The following STEAP1B variants were observed in gnomAD, a reference collection of about 807,000 sequenced individuals.
STEAP1B encodes STEAP family protein MGC87042.
STEAP1B carries 13 observed loss-of-function variants against 27.9 expected under a neutral mutation model. The ratio of observed to expected loss-of-function variants is 0.47; its 90% CI spans 0.30 to 0.74. The LOEUF (loss-of-function observed/expected upper bound fraction) is 0.74, where lower values mean the gene tolerates loss of function less well. Among genes scored for constraint, STEAP1B ranks in the 30% least tolerant of loss-of-function variants. STEAP1B has a pLI of 0.06. For synonymous variants in STEAP1B, 86 were observed against 107.1 expected (o/e 0.80, Z 1.22); for missense variants, 250 against 298.7 (o/e 0.84, Z 1.20).
chr7:22,430,958 G>T (rs1259447092), intron 4 of STEAP1B, among the ~76,000 whole-genome samples: 1 of 152,220 alleles, frequency 6.6e-6, no homozygotes, highest in African/African-American at 2.4e-5. Flanking sequence ...TAGTCTCCCT[G>T]TCACTGACAT....
Position 22,493,680 on chromosome 7 carries a change from T to C in STEAP1B, c.241A>G (p.Met81Val). 6.2e-7 allele frequency: 1 copy of C among 1,614,020 alleles called. No individual in the cohort carries two copies. Among genetic ancestry groups the C allele is most frequent in the Non-Finnish European group, 8.5e-7 (1 of 1,179,882 alleles). The change falls in exon 3 of 5, where the codon ATG (methionine) becomes GTG (valine). Residue 81 changes from methionine to valine, a missense_variant. Transcript: ENST00000678116. ...GTGTAAAGAAAAGTCAGAGATGCCA[T>C]AACAGCAGCTATTTTAATTGGCAAG... ...WHLPIKIAAV[M>V]ASLTFLYTLL...
At chr7:22,467,712 C>A (rs879806440) in intron 4 of STEAP1B, among the ~76,000 whole-genome samples, 1 of 152,138 alleles carries the variant, frequency 6.6e-6, no homozygotes, top group African/African-American at 2.4e-5. Flanking sequence ...TTTTACCTTC[C>A]GCCATGATTG....
chr7:22,454,139 G>C (rs1785533076), intron 4 of STEAP1B, among the ~76,000 whole-genome samples: 2 of 152,180 alleles, frequency 1.3e-5, no homozygotes, highest in Admixed American at 1.3e-4. Flanking sequence ...AATAACAAGG[G>C]ATTGGCTAGT....
At chr7:22,453,850 T>C (rs1562572468) in intron 4 of STEAP1B, among the ~76,000 whole-genome samples, 1 of 152,242 alleles carries the variant, frequency 6.6e-6, no homozygotes, top group Non-Finnish European at 1.5e-5. Flanking sequence ...CACCTAATAC[T>C]GTCTATGAGA....
chr7:22,499,802 C>G (rs10257886), intron 1 of STEAP1B, among the ~76,000 whole-genome samples: 13,604 of 152,250 alleles, frequency 0.089, 689 homozygotes, highest in African/African-American at 0.11. Context: ...CCATCAAAAT[C>G]CAACCTGAGC....
In STEAP1B at chr7:22,456,972, A is replaced by ATATATATATATATATTTTT; in HGVS notation, c.762+35592_762+35593insAAAAATATATATATATATA. Among the ~76,000 whole-genome samples, 63 of 57,050 alleles carry ATATATATATATATATTTTT rather than the reference A, an allele frequency of 1.1e-3. 1 individual carries two copies. The highest frequency in any genetic ancestry group is 4.2e-3 in the African/African-American group (60 of 14,250). The allele number at this position is 57,050 out of a possible 152,430, so 37.4% of individuals were successfully genotyped here. A position where few individuals can be genotyped will look rare whatever the true frequency, so the allele number is the denominator to read the frequency against. ...GGCAGCTATATATATATATATATAT[A>ATATATATATATATATTTTT]TTTTTTTTTTTTTTAAGTATCCTGG... On this transcript the variant is annotated intron_variant, in intron 4 of 4. Transcript: ENST00000678116.
intron 4 of STEAP1B, among the ~76,000 whole-genome samples, chr7:22,439,034 T>C (rs964020607): frequency 6.6e-6 from 1 of 152,188 alleles, no homozygotes; most frequent in African/African-American, 2.4e-5. Flanking sequence ...TTGTAAATGA[T>C]AGTAAATGTT....
intron 4 of STEAP1B, among the ~76,000 whole-genome samples, chr7:22,437,774 C>CT (rs1279146210): frequency 1.3e-5 from 2 of 152,094 alleles, no homozygotes; most frequent in African/African-American, 2.4e-5. Flanking sequence ...TTCTTATTTG[C>CT]TTTTTTGGTA....
chr7:22,451,050 A>G (rs1785480071), intron 4 of STEAP1B, among the ~76,000 whole-genome samples: 1 of 152,148 alleles, frequency 6.6e-6, no homozygotes, highest in Admixed American at 6.5e-5. Flanking sequence ...CAAAAAAATT[A>G]GCCAGGTGTG....
chr7:22,451,333 T>C (rs1785486041), intron 4 of STEAP1B, among the ~76,000 whole-genome samples: 1 of 152,158 alleles, frequency 6.6e-6, no homozygotes, highest in South Asian at 2.1e-4. Flanking sequence ...TTTTTCCAAA[T>C]AAAAGATCAC....
At chr7:22,499,579 T>C (rs1174596095) in intron 1 of STEAP1B, among the ~76,000 whole-genome samples, 1 of 152,178 alleles carries the variant, frequency 6.6e-6, no homozygotes, top group Non-Finnish European at 1.5e-5. Flanking sequence ...TTGACCAGAA[T>C]TACATATTTA....
At chr7:22,477,039 C>T (rs1256251283) in intron 4 of STEAP1B, among the ~76,000 whole-genome samples, 4 of 152,328 alleles carry the variant, frequency 2.6e-5, no homozygotes, top group Non-Finnish European at 5.9e-5. Context: ...GGAGAGACTG[C>T]AGCTTTCTGC....
At chr7:22,440,248 T>C (rs995815582) in intron 4 of STEAP1B, among the ~76,000 whole-genome samples, 2 of 152,182 alleles carry the variant, frequency 1.3e-5, no homozygotes, top group Non-Finnish European at 2.9e-5. Context: ...CCTTGACTTG[T>C]GGGAAGGATC....
Position 22,493,545 on chromosome 7 carries a change from A to G in STEAP1B, c.376T>C (p.Leu126=). ...ACACCTGGTAGGTAAACCAATGCCA[A>G]GAGAGTGATGGAAACCATTGGCAAG... ...KVLPMVSITL[L]ALVYLPGVIA... is the part of the protein sequence containing the mutation. Residue 126 remains leucine, a synonymous_variant, in exon 3 of 5, where the codon TTG becomes CTG. Coordinates refer to ENST00000678116, the MANE Select transcript of STEAP1B (RefSeq NM_001382447.1). 2 of 1,613,938 alleles carry G rather than the reference A, an allele frequency of 1.2e-6. No individual in the cohort carries two copies. The highest frequency in any genetic ancestry group is 1.7e-6 in the Non-Finnish European group (2 of 1,179,854).
intron 4 of STEAP1B, among the ~76,000 whole-genome samples, chr7:22,456,974 T>A (rs201716362): frequency 0.067 from 3,360 of 50,046 alleles, 476 homozygotes; most frequent in African/African-American, 0.28. Flanking sequence ...ATATATATAT[T>A]TTTTTTTTTT....
At chr7:22,445,451 G>A (rs949944340) in intron 4 of STEAP1B, among the ~76,000 whole-genome samples, 2 of 152,254 alleles carry the variant, frequency 1.3e-5, no homozygotes, top group Non-Finnish European at 2.9e-5. Context: ...GGATCTGCCG[G>A]CAGCCTTGTG....
At chr7:22,497,029 C>T (rs1786454615) in intron 1 of STEAP1B, among the ~76,000 whole-genome samples, 2 of 152,166 alleles carry the variant, frequency 1.3e-5, no homozygotes, top group South Asian at 4.1e-4. Context: ...AAAACATTTC[C>T]TCCATTTGGA....
chr7:22,457,836 T>C (rs1785612967), intron 4 of STEAP1B, among the ~76,000 whole-genome samples: 1 of 152,224 alleles, frequency 6.6e-6, no homozygotes, highest in Non-Finnish European at 1.5e-5. Context: ...CATGATGACA[T>C]GGTATTAGAA....
intron 4 of STEAP1B, among the ~76,000 whole-genome samples, chr7:22,459,962 A>G (rs1421638449): frequency 1.3e-5 from 2 of 152,136 alleles, no homozygotes; most frequent in Non-Finnish European, 2.9e-5. Context: ...TGGCCTGTGG[A>G]ACGTGTAGCC....
Sources: allele counts gnomAD v4.1 joint callset (sites outside exome capture counted in the v4.1 genomes callset), GRCh38; gene constraint gnomAD v4.1.1; transcripts MANE v1.5; gene names NCBI Gene and HGNC (gene_info 2026-07-23, HGNC 2026-07-21).